The following TXNDC8 variants were observed in gnomAD, a reference collection of about 807,000 sequenced individuals.
TXNDC8 encodes the protein thioredoxin domain-containing protein 8.
A neutral mutation model predicts 12.9 loss-of-function variants in TXNDC8; 15 were observed. The observed-to-expected ratio is 1.16, with a 90% confidence interval of 0.78 to 1.79. The LOEUF is 1.79. Among genes scored for constraint, TXNDC8 ranks in the 40% most tolerant of loss-of-function variants. The probability of loss-of-function intolerance (pLI) is 0.00; values close to 1 mark genes in which losing one functional copy is unlikely to be tolerated. For synonymous variants in TXNDC8, 40 were observed against 35.4 expected (o/e 1.13, Z -0.46); for missense variants, 128 against 113.2 (o/e 1.13, Z -0.59).
At chr9:110,303,136 G>A (rs1838305202), downstream of TXNDC8, among the ~76,000 whole-genome samples, 1 of 152,238 alleles carries the variant, frequency 6.6e-6, no homozygotes, top group Middle Eastern at 3.4e-3. Context: ...GCTTTCATAT[G>A]TTCAAAGTGC....
At chr9:110,329,290 G>A (rs1839461885) in intron 2 of TXNDC8, 1 of 1,603,608 alleles carries the variant, frequency 6.2e-7, no homozygotes, top group Non-Finnish European at 8.5e-7. Context: ...CACAGACATA[G>A]CCTTCAAAAT....
intron 3 of TXNDC8, among the ~76,000 whole-genome samples, chr9:110,325,539 C>T (rs1033577590): frequency 4.0e-5 from 5 of 126,388 alleles, no homozygotes; most frequent in African/African-American, 9.4e-5. Context: ...TTTTTTGAGA[C>T]GGAGTCTCAC....
rs1307715715 is a variant in TXNDC8, at chr9:110,334,065, C to T, written c.129+151G>A. On this transcript the variant is annotated intron_variant, in intron 2 of 4. Transcript: ENST00000423740. The stretch of plus-strand genomic sequence containing the variant: ...GTACACTTATTATCTAATTAGATCT[C>T]GGTATATTATCTTCAGTTAATCAGG... The T allele has an allele frequency of 6.7e-5, 38 of 565,124 alleles. 1 individual carries two copies. Among genetic ancestry groups the T allele is most frequent in the East Asian group, 2.7e-4 (9 of 33,898 alleles). The allele number at this position is 565,124 out of a possible 1,614,324, so 35.0% of individuals were successfully genotyped here.
At chr9:110,301,768 C>T (rs1208256722), downstream of TXNDC8, among the ~76,000 whole-genome samples, 3 of 152,132 alleles carry the variant, frequency 2.0e-5, no homozygotes, top group Non-Finnish European at 4.4e-5. Flanking sequence ...ACCCCGAGTC[C>T]CCCATAGCTT....
intron 4 of TXNDC8, 197 bp from the exon 6 acceptor site, chr9:110,303,780 C>G: frequency 7.2e-6 from 10 of 1,388,862 alleles, no homozygotes; most frequent in Non-Finnish European, 9.7e-6. Context: ...TTCAAAATTA[C>G]TTTTGCTAAA....
intron 4 of TXNDC8, among the ~76,000 whole-genome samples, chr9:110,304,199 G>A (rs1004175842): frequency 6.6e-6 from 1 of 152,188 alleles, no homozygotes; most frequent in African/African-American, 2.4e-5. Flanking sequence ...TGAAGACAAG[G>A]AAGAGTGTGA....
intron 2 of TXNDC8, among the ~76,000 whole-genome samples, chr9:110,329,701 C>T (rs1460264471): frequency 1.3e-5 from 2 of 152,196 alleles, no homozygotes; most frequent in East Asian, 3.8e-4. Flanking sequence ...ACTCTACCTT[C>T]TCTTGCCTGG....
chr9:110,305,492 T>C (rs1838400659), intron 3 of TXNDC8, among the ~76,000 whole-genome samples: 1 of 152,236 alleles, frequency 6.6e-6, no homozygotes, highest in Non-Finnish European at 1.5e-5. Flanking sequence ...TTGTGGGTTC[T>C]GCTTCAGTAG....
At chr9:110,329,177 C>T in intron 2 of TXNDC8, 55 bp downstream of exon 3, 2 of 1,449,612 alleles carry the variant, frequency 1.4e-6, no homozygotes, top group Non-Finnish European at 1.9e-6. Flanking sequence ...CAGTGCTATT[C>T]AATTACAATG....
intron 2 of TXNDC8, 50 bp downstream of exon 2, chr9:110,334,166 G>T: frequency 6.9e-7 from 1 of 1,457,382 alleles, no homozygotes; most frequent in South Asian, 1.3e-5. Context: ...AAATATTCTG[G>T]AACTTTAAAT....
chr9:110,336,923 G>A (rs1414993099), intron 1 of TXNDC8, among the ~76,000 whole-genome samples: 1 of 152,154 alleles, frequency 6.6e-6, no homozygotes, highest in Non-Finnish European at 1.5e-5. Flanking sequence ...AAGGTCTTCT[G>A]AGGGAATAAG....
At chr9:110,319,511 C>T (rs148575172) in intron 3 of TXNDC8, among the ~76,000 whole-genome samples, 9 of 152,272 alleles carry the variant, frequency 5.9e-5, no homozygotes, top group Non-Finnish European at 1.3e-4. Flanking sequence ...CCTCATTTTA[C>T]AGAGAAGGAA....
At chr9:110,303,056 T>G (rs1037385112), downstream of TXNDC8, among the ~76,000 whole-genome samples, 1 of 148,980 alleles carries the variant, frequency 6.7e-6, no homozygotes, top group African/African-American at 2.5e-5. Flanking sequence ...AGAGCAAGAC[T>G]GTCTCAAAAA....
chr9:110,324,142 GA>G (rs765683101), intron 3 of TXNDC8: 195 of 1,128,172 alleles, frequency 1.7e-4, no homozygotes, highest in Non-Finnish European at 2.2e-4. Context: ...CTGATGGATA[GA>G]GGCCTGAAGC....
intron 3 of TXNDC8, among the ~76,000 whole-genome samples, chr9:110,325,402 G>T (rs1839269280): frequency 6.6e-6 from 1 of 152,098 alleles, no homozygotes; most frequent in East Asian, 1.9e-4. Flanking sequence ...GAAGCAGTAT[G>T]TGAATCATGG....
intron 2 of TXNDC8, among the ~76,000 whole-genome samples, chr9:110,331,093 T>C (rs944774285): frequency 1.3e-5 from 2 of 152,240 alleles, no homozygotes; most frequent in Non-Finnish European, 2.9e-5. Flanking sequence ...AAGATTTCTT[T>C]GCCTCCCTTG....
At chr9:110,323,938 A>T in intron 3 of TXNDC8, 1 of 1,550,964 alleles carries the variant, frequency 6.4e-7, no homozygotes, top group Non-Finnish European at 8.7e-7. Context: ...GCTTGACTGG[A>T]GTCAAGGGTC....
At chr9:110,317,360 C>G (rs1838923554) in intron 3 of TXNDC8, among the ~76,000 whole-genome samples, 1 of 152,194 alleles carries the variant, frequency 6.6e-6, no homozygotes, top group Non-Finnish European at 1.5e-5. Flanking sequence ...TATCCCTTCA[C>G]TTCTCCCCAT....
At chr9:110,310,733 A>C (rs573489870) in intron 3 of TXNDC8, among the ~76,000 whole-genome samples, 1 of 152,242 alleles carries the variant, frequency 6.6e-6, no homozygotes, top group Non-Finnish European at 1.5e-5. Context: ...TAATATTAGA[A>C]ATGTCTTAAG....
Sources: gnomAD v4.1 joint callset for allele counts (sites outside exome capture counted in the v4.1 genomes callset) on GRCh38, gnomAD v4.1.1 for gene constraint, MANE v1.5 for transcripts, NCBI Gene and HGNC (gene_info 2026-07-23, HGNC 2026-07-21) for gene names.